The following PRKCQ variants were observed in gnomAD, a reference collection of about 807,000 sequenced individuals.
The protein encoded by PRKCQ is protein kinase C theta type.
Under a neutral mutation model 91.2 loss-of-function variants are expected in PRKCQ, and 41 were observed. That is an observed-to-expected ratio of 0.45 (90% CI 0.35 to 0.58). PRKCQ has a LOEUF of 0.58. PRKCQ is among the 20% of genes least tolerant of loss of function. PRKCQ has a pLI of 0.00. For synonymous variants in PRKCQ, 307 were observed against 316.9 expected (o/e 0.97, Z 0.33); for missense variants, 673 against 896.5 (o/e 0.75, Z 3.18).
In PRKCQ at chr10:6,548,857, A is replaced by G. The variant is rs565973774; in HGVS notation, c.-10+31354T>C. Among the ~76,000 whole-genome samples the G allele has an allele frequency of 8.5e-5, 13 of 152,240 alleles. No individual in the cohort carries two copies. In the East Asian group the frequency reaches 2.5e-3, roughly 29 times the overall value. ...ATGTAACAAACTGCACATGGTGCAC[A>G]TGTACCCTAAAACTTAAAGTATAAT... On this transcript the variant is annotated intron_variant, in intron 1 of 17. Transcript: ENST00000263125.
At chr10:6,536,507 A>G (rs1839586978) in intron 1 of PRKCQ, among the ~76,000 whole-genome samples, 1 of 140,908 alleles carries the variant, frequency 7.1e-6, no homozygotes, top group African/African-American at 3.1e-5. Flanking sequence ...AGACAAGGCT[A>G]TAACTGAAAA....
the PRKCQ span, among the ~76,000 whole-genome samples, chr10:6,402,663 G>A: frequency 5.3e-5 from 8 of 152,244 alleles, no homozygotes; most frequent in Non-Finnish European, 8.8e-5. Flanking sequence ...GGGCCGGGCA[G>A]GGTGGCTCAT....
At chr10:6,433,716 A>T (rs1833531219) in intron 16 of PRKCQ, among the ~76,000 whole-genome samples, 1 of 152,102 alleles carries the variant, frequency 6.6e-6, no homozygotes. Flanking sequence ...GAGTCATCAC[A>T]TGGAGCTGAT....
chr10:6,562,155 AAGG>A (rs1840657565), intron 1 of PRKCQ, among the ~76,000 whole-genome samples: 1 of 152,170 alleles, frequency 6.6e-6, no homozygotes, highest in African/African-American at 2.4e-5. Flanking sequence ...AGGAAGAACG[AAGG>A]AGAAGCCCAC....
At chr10:6,505,631 C>A (rs551061139) in intron 4 of PRKCQ, among the ~76,000 whole-genome samples, 1 of 148,376 alleles carries the variant, frequency 6.7e-6, no homozygotes, top group Non-Finnish European at 1.5e-5. Context: ...TTCCTTCCTT[C>A]CCTCCCTTCC....
At chr10:6,562,929 A>T (rs376797900) in intron 1 of PRKCQ, among the ~76,000 whole-genome samples, 39 of 152,160 alleles carry the variant, frequency 2.6e-4, no homozygotes, top group African/African-American at 9.2e-4. Context: ...TCAAAAGAAC[A>T]CTCATCATGT....
At chr10:6,494,105 C>T (rs1400200508) in intron 7 of PRKCQ, among the ~76,000 whole-genome samples, 1 of 152,114 alleles carries the variant, frequency 6.6e-6, no homozygotes, top group African/African-American at 2.4e-5. Flanking sequence ...CTTTTCCTTC[C>T]TCCAGCCATC....
At chr10:6,571,960 T>C (rs746317726) in intron 1 of PRKCQ, among the ~76,000 whole-genome samples, 1 of 152,110 alleles carries the variant, frequency 6.6e-6, no homozygotes. Flanking sequence ...AGCCAAGAGA[T>C]CAGGGGTCAG....
At chr10:6,512,876 TA>T (rs200910085) in intron 2 of PRKCQ, among the ~76,000 whole-genome samples, 7 of 149,378 alleles carry the variant, frequency 4.7e-5, no homozygotes, top group East Asian at 2.0e-4. Context: ...TGTGGGTTGG[TA>T]AAAAAAAAAT....
intron 14 of PRKCQ, among the ~76,000 whole-genome samples, chr10:6,459,461 G>A (rs1165721275): frequency 6.6e-6 from 1 of 152,154 alleles, no homozygotes; most frequent in Non-Finnish European, 1.5e-5. Context: ...AGCTGTATGG[G>A]TGGAATGGTG....
chr10:6,459,543 A>G (rs992379735), intron 14 of PRKCQ, among the ~76,000 whole-genome samples: 4 of 152,206 alleles, frequency 2.6e-5, no homozygotes, highest in African/African-American at 9.7e-5. Flanking sequence ...CCTTATTTGG[A>G]AAAAGGGTCT....
rs111537728 is a variant in PRKCQ at position 6,556,305 on chromosome 10, G to A, written c.-10+23906C>T. On this transcript the variant is annotated intron_variant, in intron 1 of 17. Transcript: ENST00000263125. Reference sequence around the variant, plus strand: ...AAACCAGCTGGGTGCAGTGGCATACGCTTGTAGTCCTAGCTACTCAAGAGG... The same window carrying A: ...AAACCAGCTGGGTGCAGTGGCATACACTTGTAGTCCTAGCTACTCAAGAGG... 4.1e-3 allele frequency among the ~76,000 whole-genome samples: 627 copies of A among 152,008 alleles called. 6 individuals carry two copies. The highest frequency in any genetic ancestry group is 0.025 in the South Asian group (119 of 4,800).
chr10:6,448,028 C>T (rs551987029), intron 15 of PRKCQ, among the ~76,000 whole-genome samples: 2 of 152,244 alleles, frequency 1.3e-5, no homozygotes, highest in South Asian at 4.1e-4. Context: ...AGCCTCCGAC[C>T]AGGGGTGGGA....
rs374212849 is a variant in PRKCQ at position 6,486,113 on chromosome 10, C to A, written c.822G>T (p.Gln274His). The change falls in exon 9 of 18, where the codon CAG becomes CAT. Residue 274 changes from glutamine to histidine, a missense_variant. Coordinates refer to ENST00000263125, the MANE Select transcript of PRKCQ (RefSeq NM_006257.5). The part of the protein sequence containing the change: ...ACGMNVHHRC[Q>H]TKVANLCGIN... The stretch of plus-strand genomic sequence containing the variant: ...TGCCACAAAGGTTGGCCACCTTTGT[C>A]TGGCATCTATGATGCACATTCATGC... The A allele has an allele frequency of 8.1e-6, 13 of 1,614,018 alleles. No individual in the cohort carries two copies. The highest frequency in any genetic ancestry group is 2.7e-5 in the African/African-American group (2 of 74,922).
intron 1 of PRKCQ, among the ~76,000 whole-genome samples, chr10:6,564,354 CG>C (rs1840755224): frequency 6.6e-6 from 1 of 152,074 alleles, no homozygotes; most frequent in African/African-American, 2.4e-5. Flanking sequence ...TGCTCGATGG[CG>C]TTTTCAAAGG....
intron 12 of PRKCQ, among the ~76,000 whole-genome samples, chr10:6,469,810 A>G (rs558038908): frequency 2.7e-4 from 41 of 152,306 alleles, no homozygotes; most frequent in African/African-American, 7.2e-4. Context: ...ACAAAAGAAC[A>G]TAACAAATCA....
the PRKCQ span, among the ~76,000 whole-genome samples, chr10:6,397,461 A>G: frequency 6.6e-6 from 1 of 152,294 alleles, no homozygotes; most frequent in East Asian, 1.9e-4. Context: ...TATATTTTGT[A>G]TACTATTGCA....
intron 4 of PRKCQ, among the ~76,000 whole-genome samples, chr10:6,501,292 A>G (rs549063253): frequency 6.6e-6 from 1 of 152,184 alleles, no homozygotes; most frequent in Admixed American, 6.5e-5. Flanking sequence ...GAAAAAAAAG[A>G]AGAGATGATG....
intron 1 of PRKCQ, among the ~76,000 whole-genome samples, chr10:6,579,164 T>G (rs1337465327): frequency 6.6e-6 from 1 of 152,180 alleles, no homozygotes; most frequent in Non-Finnish European, 1.5e-5. Context: ...AGGTGGTTCT[T>G]AAAAGAATTC....
Sources: allele counts gnomAD v4.1 joint callset (sites outside exome capture counted in the v4.1 genomes callset), GRCh38; gene constraint gnomAD v4.1.1; transcripts MANE v1.5; gene names NCBI Gene and HGNC (gene_info 2026-07-23, HGNC 2026-07-21).